The following TRDN variants were observed in gnomAD, a reference collection of about 807,000 sequenced individuals.
The protein encoded by TRDN is triadin in skeletal muscle.
A neutral mutation model predicts 149.7 loss-of-function variants in TRDN; 161 were observed. That is an observed-to-expected ratio of 1.08 (90% CI 0.95 to 1.23). The LOEUF is 1.23. Among genes scored for constraint, TRDN ranks in the 50% most tolerant of loss-of-function variants. TRDN has a pLI of 0.00. For missense variants in TRDN, 896 were observed against 823.5 expected, an observed-to-expected ratio of 1.09 and a Z score of -1.08; for synonymous variants, 294 against 250.5, an observed-to-expected ratio of 1.17 and a Z score of -1.64.
intron 9 of TRDN, among the ~76,000 whole-genome samples, chr6:123,466,544 A>G (rs1166677960): frequency 2.6e-5 from 4 of 151,898 alleles, no homozygotes; most frequent in African/African-American, 9.7e-5. Context: ...AGGGTCATCT[A>G]TCAGGAGTCC....
chr6:123,592,949 AACAGGGATAC>A (rs1783856124), intron 1 of TRDN, among the ~76,000 whole-genome samples: 1 of 152,150 alleles, frequency 6.6e-6, no homozygotes, highest in African/African-American at 2.4e-5. Flanking sequence ...ATCTGATAAC[AACAGGGATAC>A]ACATTATATA....
At chr6:123,361,806 T>G (rs1406046848) in intron 20 of TRDN, among the ~76,000 whole-genome samples, 1 of 152,184 alleles carries the variant, frequency 6.6e-6, no homozygotes, top group African/African-American at 2.4e-5. Context: ...TGCTTTTATC[T>G]TTGATTTTCC....
intron 38 of TRDN, among the ~76,000 whole-genome samples, chr6:123,249,718 G>C (rs1050655223): frequency 3.3e-5 from 5 of 152,070 alleles, no homozygotes; most frequent in Non-Finnish European, 7.4e-5. Flanking sequence ...TTACAAGTGG[G>C]AGCTAAATGA....
chr6:123,265,429 T>C, intron 32 of TRDN, 91 bp from the exon 33 acceptor site: 1 of 835,346 alleles, frequency 1.2e-6, no homozygotes, highest in South Asian at 2.1e-5. Flanking sequence ...TATTTTTGCT[T>C]TTTATTGTAA....
At chr6:123,252,580 C>T (rs1328599472) in intron 37 of TRDN, 145 bp from the exon 38 acceptor site, 1 of 466,178 alleles carries the variant, frequency 2.1e-6, no homozygotes, top group African/African-American at 2.0e-5. Flanking sequence ...CATCTGTTGC[C>T]TGTCAACATA....
chr6:123,555,510 ATTTTC>A (rs1781603385), intron 2 of TRDN, among the ~76,000 whole-genome samples: 1 of 151,876 alleles, frequency 6.6e-6, no homozygotes, highest in African/African-American at 2.4e-5. Context: ...GGAATTACAT[ATTTTC>A]TTATTATTTT....
intron 12 of TRDN, among the ~76,000 whole-genome samples, chr6:123,436,006 C>T (rs1295786518): frequency 2.6e-5 from 4 of 152,092 alleles, no homozygotes; most frequent in Non-Finnish European, 2.9e-5. Flanking sequence ...CACACACATA[C>T]GCATGAGCAC....
chr6:123,255,406 AAG>A (rs1776523533), intron 36 of TRDN, among the ~76,000 whole-genome samples: 1 of 152,176 alleles, frequency 6.6e-6, no homozygotes, highest in African/African-American at 2.4e-5. Flanking sequence ...ATAAACAAAA[AAG>A]AGTTATTTTG....
intron 9 of TRDN, among the ~76,000 whole-genome samples, chr6:123,492,725 C>G (rs949706964): frequency 6.6e-6 from 1 of 151,896 alleles, no homozygotes; most frequent in Non-Finnish European, 1.5e-5. Context: ...CTTGACCATC[C>G]GTACTATCAA....
chr6:123,482,489 G>A (rs749591357), intron 9 of TRDN, among the ~76,000 whole-genome samples: 1 of 152,090 alleles, frequency 6.6e-6, no homozygotes, highest in Non-Finnish European at 1.5e-5. Context: ...ATACTATGTT[G>A]TCATTTAAAA....
chr6:123,628,599 T>C (rs188456727), intron 1 of TRDN, among the ~76,000 whole-genome samples: 2 of 152,312 alleles, frequency 1.3e-5, no homozygotes, highest in Admixed American at 1.3e-4. Context: ...TTATTCATTT[T>C]CTTTGAAAAA....
At chr6:123,255,023 C>G in intron 37 of TRDN, 58 bp downstream of exon 37, 1 of 952,528 alleles carries the variant, frequency 1.0e-6, no homozygotes, top group Non-Finnish European at 1.6e-6. Flanking sequence ...TAATATTAAG[C>G]AACAACATAA....
At chr6:123,311,218 C>T (rs1778806191) in intron 24 of TRDN, among the ~76,000 whole-genome samples, 1 of 151,822 alleles carries the variant, frequency 6.6e-6, no homozygotes, top group Admixed American at 6.6e-5. Flanking sequence ...CAAGAGGGAG[C>T]AAGTGTGAAA....
intron 1 of TRDN, among the ~76,000 whole-genome samples, chr6:123,571,502 G>A (rs943858749): frequency 6.6e-6 from 1 of 151,808 alleles, no homozygotes; most frequent in Non-Finnish European, 1.5e-5. Flanking sequence ...TTGTTTGTTT[G>A]TTTGTTTGTT....
intron 39 of TRDN, 136 bp from the exon 40 acceptor site, chr6:123,221,658 G>T (rs1273923925): frequency 8.9e-6 from 4 of 451,642 alleles, no homozygotes; most frequent in East Asian, 7.2e-5. Flanking sequence ...GTATACTCCA[G>T]ATTTGTACAC....
chr6:123,555,684 A>G (rs1781617358), intron 2 of TRDN, among the ~76,000 whole-genome samples: 2 of 152,170 alleles, frequency 1.3e-5, no homozygotes, highest in African/African-American at 4.8e-5. Flanking sequence ...GATTTTCCAC[A>G]CAGAAGCATT....
intron 10 of TRDN, among the ~76,000 whole-genome samples, chr6:123,443,959 C>G (rs1187894062): frequency 6.6e-6 from 1 of 150,904 alleles, no homozygotes; most frequent in African/African-American, 2.5e-5. Context: ...AGTGTGATGC[C>G]TCCAGCTTTG....
At chr6:123,263,981 T>C (rs1446430464) in intron 33 of TRDN, among the ~76,000 whole-genome samples, 1 of 152,050 alleles carries the variant, frequency 6.6e-6, no homozygotes, top group Non-Finnish European at 1.5e-5. Context: ...TCAAATATTA[T>C]GGCTCATTGA....
chr6:123,335,292 G>A lies in TRDN; in HGVS notation c.1420+2327C>T, dbSNP rs1779820706. Among the ~76,000 whole-genome samples, 3 of 151,722 alleles carry A rather than the reference G, an allele frequency of 2.0e-5. No homozygotes were observed. The South Asian group carries it at 6.2e-4, about 32-fold the overall frequency. ...TATCATCCTAAATCAATAATCATAT[G>A]CTGCAAACCTTTATATATGTAATTT... On this transcript the variant is annotated intron_variant, in intron 22 of 40. Coordinates refer to ENST00000334268, the MANE Select transcript of TRDN (RefSeq NM_006073.4).
Sources: gnomAD v4.1 joint callset for allele counts (sites outside exome capture counted in the v4.1 genomes callset) on GRCh38, gnomAD v4.1.1 for gene constraint, MANE v1.5 for transcripts, NCBI Gene and HGNC (gene_info 2026-07-23, HGNC 2026-07-21) for gene names.